Variants in CREB5 observed in about 807,000 individuals in gnomAD.
CREB5 encodes the protein cyclic AMP-responsive element-binding protein 5.
A neutral mutation model predicts 57.1 loss-of-function variants in CREB5; 19 were observed. The ratio of observed to expected loss-of-function variants is 0.33; its 90% CI spans 0.23 to 0.49. The LOEUF is 0.49. Among genes scored for constraint, CREB5 ranks in the 20% least tolerant of loss-of-function variants. The pLI is 0.99. For synonymous variants in CREB5, 238 were observed against 238.3 expected, an observed-to-expected ratio of 1.00 and a Z score of 0.01; for missense variants, 579 against 671.6, an observed-to-expected ratio of 0.86 and a Z score of 1.52.
At chr7:28,765,726 T>G (rs1036828694) in intron 7 of CREB5, among the ~76,000 whole-genome samples, 1 of 152,238 alleles carries the variant, frequency 6.6e-6, no homozygotes, top group Admixed American at 6.5e-5. Context: ...GTTTCTCAGA[T>G]GTTACACCAG....
At chr7:28,737,539 GTATATATATATATATATATATATA>G (rs59294932) in intron 7 of CREB5, among the ~76,000 whole-genome samples, 598 of 26,676 alleles carry the variant, frequency 0.022, 18 homozygotes, top group African/African-American at 0.067. Context: ...ATATATATAC[GTATATATATATATATATATATATA>G]TATATATATA....
intron 5 of CREB5, among the ~76,000 whole-genome samples, chr7:28,616,543 G>T (rs1177883585): frequency 6.6e-6 from 1 of 151,976 alleles, no homozygotes; most frequent in Non-Finnish European, 1.5e-5. Context: ...GTATTGAGCA[G>T]CAGAAAAACT....
chr7:28,764,749 A>C (rs1000866018), intron 7 of CREB5, among the ~76,000 whole-genome samples: 1 of 152,236 alleles, frequency 6.6e-6, no homozygotes, highest in African/African-American at 2.4e-5. Flanking sequence ...ATGTTTTCAT[A>C]GGTAATTGAG....
intron 5 of CREB5, among the ~76,000 whole-genome samples, chr7:28,577,205 G>T (rs945032734): frequency 1.3e-5 from 2 of 152,194 alleles, no homozygotes; most frequent in Non-Finnish European, 2.9e-5. Context: ...AATTAATTGA[G>T]TCAGTCTCAG....
At chr7:28,685,079 G>A (rs1800796393) in intron 5 of CREB5, among the ~76,000 whole-genome samples, 1 of 152,146 alleles carries the variant, frequency 6.6e-6, no homozygotes, top group Non-Finnish European at 1.5e-5. Flanking sequence ...TTAAAAAAGA[G>A]ACACACATAC....
At chr7:28,766,039 G>A (rs909879119) in intron 7 of CREB5, among the ~76,000 whole-genome samples, 3 of 151,850 alleles carry the variant, frequency 2.0e-5, no homozygotes, top group Non-Finnish European at 4.4e-5. Flanking sequence ...ATCTCTTGGA[G>A]CTACATTTTT....
intron 1 of CREB5, among the ~76,000 whole-genome samples, chr7:28,437,679 A>G (rs181856516): frequency 8.9e-4 from 135 of 152,326 alleles, no homozygotes; most frequent in Non-Finnish European, 6.5e-4. Flanking sequence ...AAATAAATGG[A>G]TAGTCCTATA....
intron 4 of CREB5, among the ~76,000 whole-genome samples, chr7:28,522,152 G>T (rs57203476): frequency 2.6e-5 from 4 of 152,128 alleles, no homozygotes; most frequent in Non-Finnish European, 5.9e-5. Context: ...TAAATAATTT[G>T]CTGAAAGTCA....
chr7:28,605,044 TA>T (rs920999264), intron 5 of CREB5, among the ~76,000 whole-genome samples: 2 of 151,294 alleles, frequency 1.3e-5, no homozygotes, highest in East Asian at 1.9e-4. Flanking sequence ...CCTTTCTCAT[TA>T]AAAAAAAGAG....
chr7:28,800,376 G>A (rs749505496), intron 7 of CREB5, among the ~76,000 whole-genome samples: 7 of 152,226 alleles, frequency 4.6e-5, no homozygotes, highest in Non-Finnish European at 5.9e-5. Flanking sequence ...AAGTTGGCCA[G>A]TGTGGCTGGG....
chr7:28,433,909 T>C lies in CREB5; in HGVS notation c.3+20992T>C, dbSNP rs1489220029. 5.3e-5 allele frequency among the ~76,000 whole-genome samples: 8 copies of C among 151,932 alleles called. No homozygotes were observed. In the South Asian group the frequency reaches 8.3e-4, roughly 16 times the overall value. Reference sequence around the variant, plus strand: ...CTACTGTAATAAAATTTTTAAAAGATCCAGACTTCTACTTATCTCACTTTA... The same window carrying C: ...CTACTGTAATAAAATTTTTAAAAGACCCAGACTTCTACTTATCTCACTTTA... On this transcript the variant is annotated intron_variant, in intron 1 of 10. Transcript: ENST00000357727.
chr7:28,590,612 C>A (rs62449928), intron 5 of CREB5, among the ~76,000 whole-genome samples: 105 of 151,048 alleles, frequency 7.0e-4, no homozygotes, highest in Non-Finnish European at 1.4e-3. Context: ...CACGAACATG[C>A]CACATGTATA....
At chr7:28,528,781 A>AAG (rs1793581347) in intron 4 of CREB5, among the ~76,000 whole-genome samples, 2 of 100,526 alleles carry the variant, frequency 2.0e-5, no homozygotes, top group African/African-American at 5.5e-5. Flanking sequence ...TTAAAAAAAA[A>AAG]AAAGGCTTGC....
chr7:28,498,929 T>G (rs1248803953), intron 3 of CREB5, among the ~76,000 whole-genome samples: 1 of 152,190 alleles, frequency 6.6e-6, no homozygotes, highest in Non-Finnish European at 1.5e-5. Context: ...GGTTTTTGAG[T>G]GCCAAGTTTG....
At chr7:28,674,695 T>A (rs1395995676) in intron 5 of CREB5, among the ~76,000 whole-genome samples, 1 of 152,234 alleles carries the variant, frequency 6.6e-6, no homozygotes, top group Non-Finnish European at 1.5e-5. Context: ...TCACCACAGT[T>A]GGCACAAGCC....
chr7:28,686,666 C>G (rs955149154), intron 5 of CREB5, among the ~76,000 whole-genome samples: 1 of 151,996 alleles, frequency 6.6e-6, no homozygotes, highest in Admixed American at 6.6e-5. Context: ...ATGCAAGAAC[C>G]GAAGGGTAGT....
chr7:28,619,797 G>A (rs904687352), intron 5 of CREB5, among the ~76,000 whole-genome samples: 2 of 152,214 alleles, frequency 1.3e-5, no homozygotes, highest in African/African-American at 2.4e-5. Flanking sequence ...GGGGAGCAGA[G>A]GCTCATAGGA....
intron 5 of CREB5, among the ~76,000 whole-genome samples, chr7:28,621,505 G>A (rs189462052): frequency 6.6e-6 from 1 of 152,142 alleles, no homozygotes; most frequent in South Asian, 2.1e-4. Context: ...AAATTCAGTG[G>A]TGTCACCTTC....
chr7:28,328,418 A>G (rs1372294026), intron 1 of CREB5, among the ~76,000 whole-genome samples: 1 of 152,184 alleles, frequency 6.6e-6, no homozygotes, highest in Non-Finnish European at 1.5e-5. Context: ...AAATCGTTTC[A>G]AGTATCTTTG....
Sources: allele counts gnomAD v4.1 joint callset (sites outside exome capture counted in the v4.1 genomes callset), GRCh38; gene constraint gnomAD v4.1.1; transcripts MANE v1.5; gene names NCBI Gene and HGNC (gene_info 2026-07-23, HGNC 2026-07-21).